The following KCNJ3 variants were observed in gnomAD, a reference collection of about 807,000 sequenced individuals.
The protein encoded by KCNJ3 is G protein-activated inward rectifier potassium channel 1.
KCNJ3 carries 4 observed loss-of-function variants against 39.2 expected under a neutral mutation model. The ratio of observed to expected loss-of-function variants is 0.10; its 90% CI spans 0.05 to 0.23. The LOEUF (loss-of-function observed/expected upper bound fraction) is 0.23, where lower values mean the gene tolerates loss of function less well. Ranked by LOEUF, KCNJ3 falls within the 10% of genes least tolerant of loss-of-function variation. The pLI is 1.00. For missense variants in KCNJ3, 276 were observed against 634.9 expected, an observed-to-expected ratio of 0.43 and a Z score of 6.08; for synonymous variants, 230 against 237.4, an observed-to-expected ratio of 0.97 and a Z score of 0.29.
chr2:154,837,571 C>G (rs1280742871), intron 2 of KCNJ3, among the ~76,000 whole-genome samples: 1 of 152,072 alleles, frequency 6.6e-6, no homozygotes, highest in Non-Finnish European at 1.5e-5. Context: ...GTTGACTTCA[C>G]CTGTGCTAAC....
At chr2:154,742,946 A>G (rs1049494343) in intron 2 of KCNJ3, among the ~76,000 whole-genome samples, 34 of 151,900 alleles carry the variant, frequency 2.2e-4, no homozygotes, top group African/African-American at 7.2e-4. Flanking sequence ...TCAATGGCCA[A>G]TCAATGTTGT....
At chr2:154,853,712 C>T (rs974744512) in intron 2 of KCNJ3, among the ~76,000 whole-genome samples, 3 of 152,086 alleles carry the variant, frequency 2.0e-5, no homozygotes, top group Non-Finnish European at 4.4e-5. Context: ...TATTCCTGTA[C>T]TTCCAGTCTT....
intron 2 of KCNJ3, among the ~76,000 whole-genome samples, chr2:154,844,610 A>C (rs2084096): frequency 6.6e-6 from 1 of 152,118 alleles, no homozygotes; most frequent in East Asian, 1.9e-4. Flanking sequence ...CGCCCAGTTC[A>C]AGCTTCCCGG....
chr2:154,829,898 T>G (rs1258356125), intron 2 of KCNJ3, among the ~76,000 whole-genome samples: 1 of 152,204 alleles, frequency 6.6e-6, no homozygotes, highest in Non-Finnish European at 1.5e-5. Flanking sequence ...TGTTGAGCAC[T>G]TTTTATATGC....
At chr2:154,845,199 A>G (rs1687645199) in intron 2 of KCNJ3, among the ~76,000 whole-genome samples, 1 of 152,124 alleles carries the variant, frequency 6.6e-6, no homozygotes, top group Admixed American at 6.5e-5. Context: ...GCTCACTGCA[A>G]TCTCTGCCTT....
intron 2 of KCNJ3, among the ~76,000 whole-genome samples, chr2:154,839,140 C>A (rs771538471): frequency 1.3e-5 from 2 of 152,130 alleles, no homozygotes; most frequent in Non-Finnish European, 2.9e-5. Flanking sequence ...TGTTCCCCGC[C>A]TTGTGTCCAA....
Position 154,759,270 on chromosome 2 carries a change from C to T in KCNJ3, c.919+49451C>T, listed in dbSNP as rs527812541. Reference sequence around the variant, plus strand: ...TTTTGTGTGTGTAGTTGAACTAATACTTTGATCTTGTGTTTGGACTGAGAA... The same window carrying T: ...TTTTGTGTGTGTAGTTGAACTAATATTTTGATCTTGTGTTTGGACTGAGAA... On this transcript the variant is annotated intron_variant, in intron 2 of 2. Transcript: ENST00000295101. Among the ~76,000 whole-genome samples the T allele has an allele frequency of 2.0e-5, 3 of 151,846 alleles. No individual in the cohort carries two copies. The East Asian group carries it at 5.8e-4, about 29-fold the overall frequency.
At chr2:154,744,391 G>T (rs12328953) in intron 2 of KCNJ3, among the ~76,000 whole-genome samples, 5,667 of 151,668 alleles carry the variant, frequency 0.037, 234 homozygotes, top group East Asian at 0.1. Flanking sequence ...GGAAGGTATT[G>T]TTTATAACTA....
intron 2 of KCNJ3, among the ~76,000 whole-genome samples, chr2:154,849,366 A>G (rs1388494713): frequency 3.3e-5 from 5 of 152,124 alleles, no homozygotes; most frequent in Non-Finnish European, 7.4e-5. Flanking sequence ...TGTTTGATGT[A>G]CGTGTGATAA....
chr2:154,785,577 G>T (rs540639779), intron 2 of KCNJ3, among the ~76,000 whole-genome samples: 6 of 152,242 alleles, frequency 3.9e-5, no homozygotes, highest in East Asian at 1.9e-4. Flanking sequence ...CCTGGTAAAA[G>T]GTTCATCGGC....
chr2:154,815,821 C>G (rs1687075654), intron 2 of KCNJ3, among the ~76,000 whole-genome samples: 1 of 152,162 alleles, frequency 6.6e-6, no homozygotes, highest in African/African-American at 2.4e-5. Flanking sequence ...GTATCCATCT[C>G]AGGGTCTTTT....
At chr2:154,703,870 G>A (rs1177580866) in intron 1 of KCNJ3, among the ~76,000 whole-genome samples, 3 of 151,958 alleles carry the variant, frequency 2.0e-5, no homozygotes, top group Non-Finnish European at 4.4e-5. Context: ...ACAAATGAAT[G>A]TCTATATTTG....
chr2:154,830,318 G>A (rs1192289800), intron 2 of KCNJ3, among the ~76,000 whole-genome samples: 1 of 152,010 alleles, frequency 6.6e-6, no homozygotes, highest in Non-Finnish European at 1.5e-5. Flanking sequence ...CAGTTTCTTT[G>A]CCTGTTTTGT....
intron 2 of KCNJ3, among the ~76,000 whole-genome samples, chr2:154,786,182 AG>A (rs928614737): frequency 6.6e-6 from 1 of 152,192 alleles, no homozygotes; most frequent in Non-Finnish European, 1.5e-5. Context: ...CTTTTAGATT[AG>A]GGTTTTGACT....
At chr2:154,813,658 A>T (rs926783529) in intron 2 of KCNJ3, among the ~76,000 whole-genome samples, 2 of 152,156 alleles carry the variant, frequency 1.3e-5, no homozygotes, top group Admixed American at 6.5e-5. Context: ...GTACTATGTA[A>T]AATATGTAAT....
At chr2:154,732,418 G>A (rs1685461853) in intron 2 of KCNJ3, among the ~76,000 whole-genome samples, 1 of 151,986 alleles carries the variant, frequency 6.6e-6, no homozygotes, top group Non-Finnish European at 1.5e-5. Flanking sequence ...AAAGACAATT[G>A]CAGACTTCAG....
intron 2 of KCNJ3, among the ~76,000 whole-genome samples, chr2:154,743,481 G>A (rs1359627413): frequency 6.6e-6 from 1 of 151,520 alleles, no homozygotes; most frequent in African/African-American, 2.4e-5. Context: ...CTATGAAGAT[G>A]GGATGTCTTT....
intron 2 of KCNJ3, among the ~76,000 whole-genome samples, chr2:154,825,339 T>C (rs1687251115): frequency 6.6e-6 from 1 of 152,196 alleles, no homozygotes; most frequent in Non-Finnish European, 1.5e-5. Context: ...TATTCATTGC[T>C]AGTTTCTTAG....
intron 2 of KCNJ3, among the ~76,000 whole-genome samples, chr2:154,848,889 A>ATTT (rs1687708432): frequency 6.6e-6 from 1 of 152,100 alleles, no homozygotes; most frequent in South Asian, 2.1e-4. Context: ...ACTTGCTTTG[A>ATTT]TTTTTATTGT....
Sources: gnomAD v4.1 joint callset for allele counts (sites outside exome capture counted in the v4.1 genomes callset) on GRCh38, gnomAD v4.1.1 for gene constraint, MANE v1.5 for transcripts, NCBI Gene and HGNC (gene_info 2026-07-23, HGNC 2026-07-21) for gene names.